Variants in RC3H2 observed in about 807,000 individuals in gnomAD.
The protein encoded by RC3H2 is roquin-2.
In RC3H2, 31 loss-of-function variants were observed where a neutral mutation model predicts 133.3. The ratio of observed to expected loss-of-function variants is 0.23; its 90% confidence interval spans 0.17 to 0.31. The LOEUF (loss-of-function observed/expected upper bound fraction) is 0.31, where lower values mean the gene tolerates loss of function less well. Among genes scored for constraint, RC3H2 ranks in the 10% least tolerant of loss-of-function variants. The pLI is 1.00. For synonymous variants in RC3H2, 517 were observed against 502.2 expected (o/e 1.03, Z -0.40); for missense variants, 1,175 against 1,437.2 (o/e 0.82, Z 2.95).
intron 13 of RC3H2, among the ~76,000 whole-genome samples, chr9:122,856,822 C>T (rs1830267536): frequency 6.6e-6 from 1 of 152,182 alleles, no homozygotes; most frequent in South Asian, 2.1e-4. Context: ...TCGAACTCAG[C>T]AGATCGGAGT....
chr9:122,894,734 T>C (rs1419202706), intron 2 of RC3H2, among the ~76,000 whole-genome samples: 1 of 151,884 alleles, frequency 6.6e-6, no homozygotes, highest in African/African-American at 2.4e-5. Flanking sequence ...ACAAAAATTA[T>C]CTGGGCATGG....
At chr9:122,884,224 T>C (rs1364462683) in intron 4 of RC3H2, among the ~76,000 whole-genome samples, 2 of 151,486 alleles carry the variant, frequency 1.3e-5, no homozygotes, top group African/African-American at 2.4e-5. Flanking sequence ...ACCTGGGAGG[T>C]GGAGCTTGCA....
chr9:122,856,109 A>C (rs1316645185), intron 13 of RC3H2, among the ~76,000 whole-genome samples: 1 of 152,164 alleles, frequency 6.6e-6, no homozygotes, highest in Non-Finnish European at 1.5e-5. Flanking sequence ...GGAACATTTG[A>C]CTAATACTAT....
intron 13 of RC3H2, 55 bp downstream of exon 13, chr9:122,857,868 G>C: frequency 6.8e-7 from 1 of 1,475,026 alleles, no homozygotes; most frequent in Non-Finnish European, 9.3e-7. Flanking sequence ...TGAGTAATTT[G>C]AAGTCAGCTG....
intron 3 of RC3H2, among the ~76,000 whole-genome samples, chr9:122,892,612 C>T (rs1020848180): frequency 4.6e-5 from 7 of 152,094 alleles, no homozygotes; most frequent in African/African-American, 1.4e-4. Flanking sequence ...GGGGTTTCAC[C>T]GTGTTAGCCA....
At chr9:122,866,877 C>T (rs1432558103) in intron 9 of RC3H2, among the ~76,000 whole-genome samples, 18 of 144,138 alleles carry the variant, frequency 1.2e-4, no homozygotes, top group South Asian at 1.1e-3. Flanking sequence ...TCGTCTGGGA[C>T]GTGAGGAGCC....
intron 18 of RC3H2, among the ~76,000 whole-genome samples, chr9:122,851,836 T>G (rs1830035038): frequency 6.6e-6 from 1 of 152,206 alleles, no homozygotes; most frequent in Non-Finnish European, 1.5e-5. Context: ...TGGCGTGATC[T>G]CGGCTCGCTA....
rs757127051 is a variant in RC3H2, at chr9:122,883,196, C to G, written c.759+8G>C. 31 of 1,609,706 alleles carry G rather than the reference C, an allele frequency of 1.9e-5. No homozygotes were observed. The highest frequency in any genetic ancestry group is 1.6e-4 in the Middle Eastern group (1 of 6,076). On this transcript the variant is annotated splice_region_variant and intron_variant, in intron 5 of 20. Transcript: ENST00000357244. ...AGGCATGTCTTTACATAGATACTTA[C>G]TGCTTACCTTAAAACAAGAAGCTCG...
intron 17 of RC3H2, 29 bp from the exon 18 acceptor site, chr9:122,854,115 T>C: frequency 6.2e-7 from 1 of 1,612,176 alleles, no homozygotes; most frequent in Non-Finnish European, 8.5e-7. Flanking sequence ...AAAGAAAAGT[T>C]AGCTTCCAAC....
chr9:122,905,146 C>T lies in RC3H2; in HGVS notation c.-104G>A, dbSNP rs933764770. 5.1e-6 allele frequency: 5 copies of T among 985,446 alleles called. No homozygotes were observed. Among genetic ancestry groups the T allele is most frequent in the Non-Finnish European group, 6.0e-6 (5 of 829,938 alleles). The allele number at this position is 985,446 out of a possible 1,614,324, so 61.0% of individuals were successfully genotyped here. A position where few individuals can be genotyped will look rare whatever the true frequency, so the allele number is the denominator to read the frequency against. On this transcript the variant is annotated 5_prime_UTR_variant, in exon 1 of 21. Transcript: ENST00000357244. ...CGGGCGGGGTCGCTAAGGGCCGCTC[C>T]CGGGAGCCCCGCGACGGCGCGGCTT... is the stretch of plus-strand genomic sequence containing the variant.
chr9:122,905,098 C>T lies in RC3H2; in HGVS notation c.-68+12G>A, dbSNP rs1832792584. 1 of 985,382 alleles carries T rather than the reference C, an allele frequency of 1.0e-6. No individual in the cohort carries two copies. The highest frequency in any genetic ancestry group is 1.2e-6 in the Non-Finnish European group (1 of 829,888). The allele number at this position is 985,382 out of a possible 1,614,324, so 61.0% of individuals were successfully genotyped here. On this transcript the variant is annotated intron_variant, in intron 1 of 20. Transcript: ENST00000357244. ...TGGGGCCCGAGCCGCATCGTGCCCGCCCCCGCCCTACCTGAGGGGGCCCGG... is the reference window on the plus strand; with the variant it reads ...TGGGGCCCGAGCCGCATCGTGCCCGTCCCCGCCCTACCTGAGGGGGCCCGG...
intron 6 of RC3H2, 96 bp downstream of exon 6, chr9:122,880,498 A>G: frequency 2.1e-6 from 2 of 944,768 alleles, no homozygotes; most frequent in Non-Finnish European, 3.2e-6. Context: ...AAAACATAGG[A>G]ATCTCCAACT....
At chr9:122,856,659 G>A (rs553509773) in intron 13 of RC3H2, among the ~76,000 whole-genome samples, 1 of 152,186 alleles carries the variant, frequency 6.6e-6, no homozygotes, top group South Asian at 2.1e-4. Flanking sequence ...AGGCTCTGGA[G>A]ATAAAGGGGA....
rs1829898694 is a variant in RC3H2, at chr9:122,847,662, G to A, written c.*1965C>T. The A allele has an allele frequency of 6.6e-6, 1 of 151,884 alleles. No homozygotes were observed. Among genetic ancestry groups the A allele is most frequent in the South Asian group, 2.1e-4 (1 of 4,822 alleles). 9.4% of individuals were successfully genotyped at this position (151,884 alleles called of 1,614,324 possible). A position where few individuals can be genotyped will look rare whatever the true frequency, so the allele number is the denominator to read the frequency against. On this transcript the variant is annotated 3_prime_UTR_variant, in exon 21 of 21. Coordinates refer to ENST00000357244, the MANE Select transcript of RC3H2 (RefSeq NM_001100588.3). ...AATTTATAATGTCAGAAAAGTTAAT[G>A]TAACATGGTTTAAAACCCTTGTTCC...
intron 9 of RC3H2, among the ~76,000 whole-genome samples, chr9:122,867,347 A>C (rs1170103955): frequency 4.6e-5 from 4 of 86,638 alleles, no homozygotes; most frequent in East Asian, 2.9e-4. Flanking sequence ...CTGCCCAGCC[A>C]CCCCTACTGG....
At chr9:122,892,535 C>T (rs1334300855) in intron 3 of RC3H2, among the ~76,000 whole-genome samples, 2 of 152,094 alleles carry the variant, frequency 1.3e-5, no homozygotes, top group South Asian at 2.1e-4. Context: ...CCTCAGCCTC[C>T]GGAATAGCTG....
At chr9:122,857,347 C>T (rs569592489) in intron 13 of RC3H2, among the ~76,000 whole-genome samples, 143 of 152,298 alleles carry the variant, frequency 9.4e-4, no homozygotes, top group South Asian at 1.7e-3. Flanking sequence ...CATCCTGGTA[C>T]ACAAACTTGT....
chr9:122,863,800 G>T (rs958879352), intron 10 of RC3H2, among the ~76,000 whole-genome samples: 2 of 151,776 alleles, frequency 1.3e-5, no homozygotes, highest in East Asian at 3.9e-4. Flanking sequence ...ACAACGGTGC[G>T]ATCTTGGCTC....
intron 9 of RC3H2, among the ~76,000 whole-genome samples, chr9:122,876,111 T>C (rs533049409): frequency 4.3e-4 from 66 of 152,088 alleles, no homozygotes; most frequent in African/African-American, 1.5e-3. Flanking sequence ...CTGAGAAATA[T>C]ATAGGAAGAT....
Sources: allele counts gnomAD v4.1 joint callset (sites outside exome capture counted in the v4.1 genomes callset), GRCh38; gene constraint gnomAD v4.1.1; transcripts MANE v1.5; gene names NCBI Gene and HGNC (gene_info 2026-07-23, HGNC 2026-07-21).